The following MKI67 variants were observed in gnomAD, a reference collection of about 807,000 sequenced individuals.
The protein encoded by MKI67 is proliferation marker protein Ki-67.
In MKI67, 152 loss-of-function variants were observed where a neutral mutation model predicts 233.5. The observed-to-expected ratio is 0.65, with a 90% CI of 0.57 to 0.74. The LOEUF (loss-of-function observed/expected upper bound fraction) is 0.74, where lower values mean the gene tolerates loss of function less well. Ranked by LOEUF, MKI67 falls within the 30% of genes least tolerant of loss-of-function variation. The pLI, the probability that MKI67 is intolerant of heterozygous loss-of-function variation, is 0.00. For synonymous variants in MKI67, 1,465 were observed against 1,418.5 expected, an observed-to-expected ratio of 1.03 and a Z score of -0.74; for missense variants, 3,940 against 3,885.2, an observed-to-expected ratio of 1.01 and a Z score of -0.37.
In MKI67 at chr10:128,108,009, A is replaced by C; in HGVS notation, c.3831T>G (p.Asp1277Glu). ...TGCACGCTAAGAGTTCTCCCTCTACATCTGCTTTCCTGATACTTCTCTTGG... is the reference window on the plus strand; with the variant it reads ...TGCACGCTAAGAGTTCTCCCTCTACCTCTGCTTTCCTGATACTTCTCTTGG... ...QRPKRSIRKA[D>E]VEGELLACRN... The change falls in exon 13 of 15, where the codon GAT becomes GAG. Residue 1277 changes from aspartate to glutamate, a missense_variant. Asp to Glu is a conservative substitution (Grantham distance 45). Coordinates refer to ENST00000368654, the MANE Select transcript of MKI67 (RefSeq NM_002417.5). The C allele has an allele frequency of 6.2e-7, 1 of 1,611,640 alleles. No individual in the cohort carries two copies.
At chr10:128,111,515 A>G (rs987058287) in intron 11 of MKI67, 130 bp downstream of exon 11, 9 of 866,790 alleles carry the variant, frequency 1.0e-5, no homozygotes, top group Admixed American at 6.0e-5. Context: ...CTAAGACCCC[A>G]GAAGGGTGAT....
rs575322614 is a variant in MKI67, at chr10:128,102,183, T to C, written c.9261+396A>G. ...CCCCTTCTCAAGAATACACATTCCT[T>C]ATTGATATTGTTCTGATAGTTAAAA... On this transcript the variant is annotated intron_variant, in intron 13 of 14. Coordinates refer to ENST00000368654, the MANE Select transcript of MKI67 (RefSeq NM_002417.5). 2.2e-3 allele frequency among the ~76,000 whole-genome samples: 333 copies of C among 152,316 alleles called. 2 individuals carry two copies. The highest frequency in any genetic ancestry group is 7.6e-3 in the African/African-American group (314 of 41,562).
At chr10:128,110,321 T>G in intron 12 of MKI67, 57 bp downstream of exon 12, 1 of 1,337,090 alleles carries the variant, frequency 7.5e-7, no homozygotes, top group Non-Finnish European at 1.0e-6. Flanking sequence ...TGTAAAAAAA[T>G]AATACTGTAT....
chr10:128,124,347 C>T (rs759048943), intron 2 of MKI67, among the ~76,000 whole-genome samples: 3 of 152,202 alleles, frequency 2.0e-5, no homozygotes, highest in Non-Finnish European at 2.9e-5. Flanking sequence ...GCACTGTTGA[C>T]ATCTTGGGCC....
At chr10:128,113,689 C>A (rs981081792) in intron 7 of MKI67, 87 bp from the exon 8 acceptor site, 79 of 1,287,320 alleles carry the variant, frequency 6.1e-5, no homozygotes, top group Non-Finnish European at 8.4e-5. Flanking sequence ...TAAAGACAAA[C>A]CAAGTGAAAA....
At chr10:128,111,105 A>T (rs950682080) in intron 11 of MKI67, among the ~76,000 whole-genome samples, 5 of 152,240 alleles carry the variant, frequency 3.3e-5, no homozygotes, top group Non-Finnish European at 7.3e-5. Context: ...GGCGTGAGCC[A>T]CTGCGCCGGC....
Position 128,110,397 on chromosome 10 carries a change from G to A in MKI67, c.2397C>T (p.Leu799=), listed in dbSNP as rs767345189. The change falls in exon 12 of 15, where the codon CTC becomes CTT. Residue 799 remains leucine (L), a synonymous_variant. Transcript: ENST00000368654. Reference sequence around the variant, plus strand: ...ACCAACCAAAACTCTCTGAGGTGGGGAGCAGAGGTTCTTCTCCTGAATCAG... The same window carrying A: ...ACCAACCAAAACTCTCTGAGGTGGGAAGCAGAGGTTCTTCTCCTGAATCAG... ...QGTDSGEEPL[L]PTSESFGGNV... 1.5e-5 allele frequency: 24 copies of A among 1,571,662 alleles called. No homozygotes were observed. Among genetic ancestry groups the A allele is most frequent in the Non-Finnish European group, 2.0e-5 (23 of 1,147,646 alleles).
intron 13 of MKI67, 110 bp downstream of exon 13, chr10:128,102,469 C>T: frequency 7.3e-7 from 1 of 1,366,722 alleles, no homozygotes; most frequent in South Asian, 1.4e-5. Context: ...AAAGGAAACC[C>T]TCTGGGGAAA....
chr10:128,123,051 TA>T (rs745927812), intron 3 of MKI67, 39 bp downstream of exon 3: 1 of 1,586,168 alleles, frequency 6.3e-7, no homozygotes, highest in Non-Finnish European at 8.7e-7. Flanking sequence ...AAAAGTGAAC[TA>T]AAAAGCTTTA....
rs534669930 is a variant in MKI67, at chr10:128,101,917, T to C, written c.9262-216A>G. Among the ~76,000 whole-genome samples the C allele has an allele frequency of 2.0e-5, 3 of 152,350 alleles. No homozygotes were observed. In the East Asian group the frequency reaches 5.8e-4, roughly 29 times the overall value. ...AATGACTGTCTCTGCTGACAAATTA[T>C]AAATAAGGAATTCAGGATAAATTTC... On this transcript the variant is annotated intron_variant, in intron 13 of 14. Transcript: ENST00000368654.
intron 5 of MKI67, among the ~76,000 whole-genome samples, chr10:128,117,396 A>G (rs569848168): frequency 6.6e-6 from 1 of 152,364 alleles, no homozygotes; most frequent in South Asian, 2.1e-4. Context: ...GTATATTCAC[A>G]GATTCTGCAA....
In MKI67 at chr10:128,125,872, G is replaced by A; in HGVS notation, c.-89-116C>T. 1.7e-6 allele frequency: 1 copy of A among 573,382 alleles called. No individual in the cohort carries two copies. The allele number at this position is 573,382 out of a possible 1,614,324, so 35.5% of individuals were successfully genotyped here. A position where few individuals can be genotyped will look rare whatever the true frequency, so the allele number is the denominator to read the frequency against. On this transcript the variant is annotated intron_variant, in intron 1 of 14. Transcript: ENST00000368654. The surrounding 1 kb of genome is among the most constrained non-coding windows in gnomAD (Gnocchi z 5.3). ...CCGCAGCTAGCTAGCGGGGACCCCA[G>A]GACGATCCGACCGCAGCCCCCGGCG...
At position 128,116,451 on chromosome 10, in the gene MKI67, A is replaced by G. The variant is rs781149100; in HGVS notation, c.400+40T>C. ...TGCCAATATGCTTCGCAAAGACCTG[A>G]TCTTTCAGGATTCTGGAACAAAACC... is the stretch of plus-strand genomic sequence containing the variant. On this transcript the variant is annotated intron_variant, in intron 6 of 14. Transcript: ENST00000368654. 1.3e-5 allele frequency: 21 copies of G among 1,584,926 alleles called. 1 individual carries two copies. The South Asian group carries it at 2.1e-4, about 16-fold the overall frequency.
Position 128,097,922 on chromosome 10 carries a change from T to C in MKI67, c.*1268A>G, listed in dbSNP as rs1185558252. On this transcript the variant is annotated 3_prime_UTR_variant, in exon 15 of 15. Coordinates refer to ENST00000368654, the MANE Select transcript of MKI67 (RefSeq NM_002417.5). ...GCATTCATTCAGCAAGTATTTATGATGTCACCTGGCTCCCCGCCAGACACT... is the reference window on the plus strand; with the variant it reads ...GCATTCATTCAGCAAGTATTTATGACGTCACCTGGCTCCCCGCCAGACACT... 6.6e-6 allele frequency: 1 copy of C among 152,316 alleles called. No homozygotes were observed. Among genetic ancestry groups the C allele is most frequent in the African/African-American group, 2.4e-5 (1 of 41,468 alleles). 9.4% of individuals were successfully genotyped at this position (152,316 alleles called of 1,614,324 possible).
chr10:128,117,492 G>A (rs886477794), intron 5 of MKI67, among the ~76,000 whole-genome samples: 10 of 152,210 alleles, frequency 6.6e-5, no homozygotes, highest in African/African-American at 2.2e-4. Flanking sequence ...AATTATTTCC[G>A]GAAGGGTGGA....
chr10:128,104,640 G>C lies in MKI67; in HGVS notation c.7200C>G (p.Ile2400Met), dbSNP rs986646967. The change falls in exon 13 of 15, where the codon ATC becomes ATG. Residue 2400 changes from isoleucine to methionine, a missense_variant. By Grantham distance (10) the Ile-to-Met change is conservative (BLOSUM62 1). Transcript: ENST00000368654. ...PKPAVSDEKN[I>M]NTFVETPVQK... ...GCACTGGAGTTTCCACAAATGTGTT[G>C]ATATTTTTCTCATCACTTACTGCTG... is the stretch of plus-strand genomic sequence containing the variant. 3 of 1,612,838 alleles carry C rather than the reference G, an allele frequency of 1.9e-6. No individual in the cohort carries two copies. Among genetic ancestry groups the C allele is most frequent in the East Asian group, 2.2e-5 (1 of 44,766 alleles).
At chr10:128,114,155 A>T (rs1162886833) in intron 7 of MKI67, among the ~76,000 whole-genome samples, 2 of 152,184 alleles carry the variant, frequency 1.3e-5, no homozygotes, top group Non-Finnish European at 2.9e-5. Context: ...TTTTATCGAC[A>T]GCCTCATGCC....
rs1852443959 is a variant in MKI67 at position 128,104,934 on chromosome 10, C to T, written c.6906G>A (p.Trp2302Ter). ...GGGCCTTTTCCTTAGGAGTTTGTGGCCATCTTTTGCTGCCAGGTAAATTTC... is the reference window on the plus strand; with the variant it reads ...GGGCCTTTTCCTTAGGAGTTTGTGGTCATCTTTTGCTGCCAGGTAAATTTC... The part of the protein sequence containing the change: ...LPGNLPGSKR[W>*]PQTPKEKAQA... Residue 2302 changes from tryptophan to a stop codon, truncating the protein, a stop_gained, in exon 13 of 15, where the codon TGG (tryptophan) becomes TGA (stop). Coordinates refer to ENST00000368654, the MANE Select transcript of MKI67 (RefSeq NM_002417.5). LOFTEE classifies it high-confidence loss of function. 1.2e-6 allele frequency: 2 copies of T among 1,612,456 alleles called. No individual in the cohort carries two copies. Among genetic ancestry groups the T allele is most frequent in the South Asian group, 1.1e-5 (1 of 91,032 alleles).
Position 128,108,340 on chromosome 10 carries a change from G to A in MKI67, c.3500C>T (p.Thr1167Ile). Reference protein sequence around the residue: ...EEEFLALRKLTPSAGKAMLTP... With the variant: ...EEEFLALRKLIPSAGKAMLTP... Reference sequence around the variant, plus strand: ...AAGCATGGCTTTCCCTGCTGATGGTGTTAGTTTCCTGAGTGCTAAGAATTC... The same window carrying A: ...AAGCATGGCTTTCCCTGCTGATGGTATTAGTTTCCTGAGTGCTAAGAATTC... The change falls in exon 13 of 15, where the codon ACA becomes ATA. Residue 1167 changes from threonine to isoleucine, a missense_variant. Transcript: ENST00000368654. The A allele has an allele frequency of 1.9e-6, 3 of 1,613,866 alleles. No individual in the cohort carries two copies. The highest frequency in any genetic ancestry group is 2.5e-6 in the Non-Finnish European group (3 of 1,179,988).
Sources: allele counts gnomAD v4.1 joint callset (sites outside exome capture counted in the v4.1 genomes callset), GRCh38; gene constraint gnomAD v4.1.1; non-coding constraint Gnocchi (gnomAD v3.1); transcripts MANE v1.5; gene names NCBI Gene and HGNC (gene_info 2026-07-23, HGNC 2026-07-21).